The following DYM variants were observed in gnomAD, a reference collection of about 807,000 sequenced individuals.
DYM encodes dymeclin, also known as dyggve-Melchior-Clausen syndrome protein.
Under a neutral mutation model 93.1 loss-of-function variants are expected in DYM, and 78 were observed. That is an observed-to-expected ratio of 0.84 (90% CI 0.70 to 1.01). The LOEUF (loss-of-function observed/expected upper bound fraction) is 1.01. Ranked by LOEUF, DYM falls within the 50% of genes least tolerant of loss-of-function variation. DYM has a pLI of 0.00. For synonymous variants in DYM, 321 were observed against 319.7 expected (o/e 1.00, Z -0.04); for missense variants, 789 against 845.0 (o/e 0.93, Z 0.82).
At chr18:49,374,430 G>A (rs904373581) in intron 5 of DYM, among the ~76,000 whole-genome samples, 2 of 152,204 alleles carry the variant, frequency 1.3e-5, no homozygotes, top group Non-Finnish European at 2.9e-5. Context: ...CTTAGTGACT[G>A]AGAAAGAGAC....
chr18:49,361,679 A>T lies in DYM; in HGVS notation c.494+1482T>A, dbSNP rs368325943. 1.5e-4 allele frequency among the ~76,000 whole-genome samples: 23 copies of T among 152,248 alleles called. No individual in the cohort carries two copies. In the South Asian group the frequency reaches 4.1e-3, roughly 27 times the overall value. Reference sequence around the variant, plus strand: ...GAGAGGCAATTATCAAAGAAATGTCAAACAAGGCTTCTCAGGGGGACAATA... The same window carrying T: ...GAGAGGCAATTATCAAAGAAATGTCTAACAAGGCTTCTCAGGGGGACAATA... On this transcript the variant is annotated intron_variant, in intron 6 of 17. Transcript: ENST00000675505.
At position 49,356,395 on chromosome 18, in the gene DYM, T is replaced by A. The variant is rs541069340; in HGVS notation, c.494+6766A>T. ...GTCTTGGTATCTGAAAATACTACAA[T>A]CTTTGATTCTTTGATTCAATCGATG... On this transcript the variant is annotated intron_variant, in intron 6 of 17. Coordinates refer to ENST00000675505, the MANE Select transcript of DYM (RefSeq NM_001353214.3). 2.6e-5 allele frequency among the ~76,000 whole-genome samples: 4 copies of A among 152,304 alleles called. No individual in the cohort carries two copies. In the East Asian group the frequency reaches 7.7e-4, roughly 29 times the overall value.
At chr18:49,165,355 A>C (rs1375618217) in intron 14 of DYM, among the ~76,000 whole-genome samples, 1 of 152,152 alleles carries the variant, frequency 6.6e-6, no homozygotes, top group Admixed American at 6.5e-5. Context: ...TGGCAGCTTA[A>C]AAACAAAGGC....
chr18:49,242,561 G>A (rs1372607955), intron 13 of DYM, among the ~76,000 whole-genome samples: 1 of 152,180 alleles, frequency 6.6e-6, no homozygotes, highest in Non-Finnish European at 1.5e-5. Context: ...GCCTCTAGAT[G>A]GGTTGTATTT....
At position 49,328,767 on chromosome 18, in the gene DYM, G is replaced by A. The variant is rs963662806; in HGVS notation, c.763+3097C>T. On this transcript the variant is annotated intron_variant, in intron 8 of 17. Coordinates refer to ENST00000675505, the MANE Select transcript of DYM (RefSeq NM_001353214.3). ...CATACCAGTTAGAATGGCAATCATTGAAAAGTCAGGAAACAACAGGTGCTG... is the reference window on the plus strand; with the variant it reads ...CATACCAGTTAGAATGGCAATCATTAAAAAGTCAGGAAACAACAGGTGCTG... Among the ~76,000 whole-genome samples, 5 of 152,186 alleles carry A rather than the reference G, an allele frequency of 3.3e-5. 1 individual carries two copies. The highest frequency in any genetic ancestry group is 3.3e-4 in the Admixed American group (5 of 15,294).
At chr18:49,065,935 A>G (rs1328251856) in intron 17 of DYM, among the ~76,000 whole-genome samples, 1 of 152,022 alleles carries the variant, frequency 6.6e-6, no homozygotes, top group Admixed American at 6.6e-5. Flanking sequence ...TTTTACCTTC[A>G]TTGGAATCCC....
intron 15 of DYM, among the ~76,000 whole-genome samples, chr18:49,132,667 T>C (rs144072742): frequency 1.3e-5 from 2 of 151,938 alleles, no homozygotes; most frequent in Non-Finnish European, 2.9e-5. Context: ...AAAATAAAAA[T>C]AAAAACAAAA....
intron 17 of DYM, among the ~76,000 whole-genome samples, chr18:49,089,812 A>G (rs1460390524): frequency 6.6e-6 from 1 of 152,214 alleles, no homozygotes; most frequent in Non-Finnish European, 1.5e-5. Flanking sequence ...TCCTTCTTAG[A>G]TAACCCCAAT....
intron 15 of DYM, among the ~76,000 whole-genome samples, chr18:49,134,105 G>A (rs1291915247): frequency 6.6e-6 from 1 of 152,164 alleles, no homozygotes; most frequent in Non-Finnish European, 1.5e-5. Flanking sequence ...AATAAAGCAA[G>A]TCCAGTAAAG....
rs751974621 is a variant in DYM, at chr18:49,272,316, A to G, written c.1126-13T>C. On this transcript the variant is annotated splice_polypyrimidine_tract_variant and intron_variant, in intron 10 of 17. Transcript: ENST00000675505. Reference sequence around the variant, plus strand: ...GAATTGGTAAAACCTAGAGAATAAAAATTATAATTGACTATTTCAATACTT... The same window carrying G: ...GAATTGGTAAAACCTAGAGAATAAAGATTATAATTGACTATTTCAATACTT... 1 of 1,464,904 alleles carries G rather than the reference A, an allele frequency of 6.8e-7. No individual in the cohort carries two copies. The highest frequency in any genetic ancestry group is 9.6e-7 in the Non-Finnish European group (1 of 1,046,458). 90.7% of individuals were successfully genotyped at this position (1,464,904 alleles called of 1,614,324 possible).
chr18:49,197,254 T>G (rs1289016820), intron 14 of DYM, among the ~76,000 whole-genome samples: 1 of 151,680 alleles, frequency 6.6e-6, no homozygotes, highest in East Asian at 2.0e-4. Flanking sequence ...TCATAGAAAT[T>G]GATGAAAATG....
At chr18:49,299,193 A>G (rs1054464581) in intron 8 of DYM, among the ~76,000 whole-genome samples, 1 of 152,244 alleles carries the variant, frequency 6.6e-6, no homozygotes, top group African/African-American at 2.4e-5. Context: ...ATAGTTATGT[A>G]TATTAGACAT....
chr18:49,172,259 TTTC>T (rs983419791), intron 14 of DYM, among the ~76,000 whole-genome samples: 6 of 152,368 alleles, frequency 3.9e-5, no homozygotes, highest in South Asian at 2.1e-4. Flanking sequence ...CGTGCCTCGA[TTTC>T]TTTATTTATC....
chr18:49,124,064 A>G (rs2082610172), intron 15 of DYM, among the ~76,000 whole-genome samples: 2 of 152,222 alleles, frequency 1.3e-5, no homozygotes, highest in South Asian at 2.1e-4. Context: ...TTTCAAACAC[A>G]TTGAGAGTTT....
intron 14 of DYM, among the ~76,000 whole-genome samples, chr18:49,189,228 G>A (rs538067946): frequency 5.3e-5 from 8 of 152,246 alleles, no homozygotes; most frequent in Admixed American, 1.3e-4. Context: ...TATGGGTGAC[G>A]GGATCAACAG....
At chr18:49,353,929 G>C (rs964522785) in intron 6 of DYM, among the ~76,000 whole-genome samples, 24 of 151,772 alleles carry the variant, frequency 1.6e-4, no homozygotes, top group Admixed American at 1.5e-3. Flanking sequence ...ACAACAAACT[G>C]GTTCTAAAGT....
chr18:49,263,944 T>C (rs1280713507), intron 11 of DYM, among the ~76,000 whole-genome samples: 2 of 152,136 alleles, frequency 1.3e-5, no homozygotes, highest in African/African-American at 4.8e-5. Flanking sequence ...GAAAGTTTGA[T>C]TGATTAGCCT....
chr18:49,095,863 A>C (rs938058054), intron 17 of DYM, among the ~76,000 whole-genome samples: 2 of 152,178 alleles, frequency 1.3e-5, no homozygotes, highest in African/African-American at 4.8e-5. Context: ...CTACAAGATT[A>C]ACCTTCCCCA....
chr18:49,452,107 C>A (rs9948388), intron 1 of DYM, among the ~76,000 whole-genome samples: 3,628 of 152,288 alleles, frequency 0.024, 138 homozygotes, highest in African/African-American at 0.081. Flanking sequence ...AAGCCACAGA[C>A]CCTCACAGTG....
Sources: allele counts gnomAD v4.1 joint callset (sites outside exome capture counted in the v4.1 genomes callset), GRCh38; gene constraint gnomAD v4.1.1; transcripts MANE v1.5; gene names NCBI Gene and HGNC (gene_info 2026-07-23, HGNC 2026-07-21).